Variants in CYP3A43 observed in about 807,000 individuals in gnomAD.
CYP3A43 encodes cytochrome P450 family 3 subfamily A member 43, also known as cytochrome P450 3A43.
In CYP3A43, 45 loss-of-function variants were observed where a neutral mutation model predicts 58.0. The ratio of observed to expected loss-of-function variants is 0.78; its 90% CI spans 0.61 to 0.99. The LOEUF (loss-of-function observed/expected upper bound fraction) is 0.99. Ranked by LOEUF, CYP3A43 falls within the 50% of genes least tolerant of loss-of-function variation. CYP3A43 has a pLI of 0.00. For synonymous variants in CYP3A43, 191 were observed against 201.4 expected (o/e 0.95, Z 0.44); for missense variants, 593 against 591.9 (o/e 1.00, Z -0.02).
chr7:99,846,331 G>A (rs1817542606), intron 4 of CYP3A43, among the ~76,000 whole-genome samples: 1 of 152,060 alleles, frequency 6.6e-6, no homozygotes, highest in African/African-American at 2.4e-5. Context: ...CACACCTAAA[G>A]TATTTCATTT....
At chr7:99,856,784 G>T (rs376334539) in intron 8 of CYP3A43, 49 bp from the exon 9 acceptor site, 2 of 1,606,796 alleles carry the variant, frequency 1.2e-6, no homozygotes, top group South Asian at 1.1e-5. Flanking sequence ...ATTCACTTCT[G>T]ACTTCACAAG....
intron 7 of CYP3A43, among the ~76,000 whole-genome samples, chr7:99,855,059 C>G (rs1353650069): frequency 2.0e-5 from 3 of 151,822 alleles, no homozygotes; most frequent in African/African-American, 7.3e-5. Flanking sequence ...ATTTTTGTAT[C>G]AGTAGAGATG....
intron 3 of CYP3A43, among the ~76,000 whole-genome samples, chr7:99,842,946 A>C (rs575423308): frequency 1.9e-4 from 29 of 152,330 alleles, no homozygotes; most frequent in Non-Finnish European, 3.4e-4. Context: ...TGACAATGTC[A>C]ATTTCCAGTT....
intron 2 of CYP3A43, among the ~76,000 whole-genome samples, chr7:99,836,761 T>C (rs1395942279): frequency 6.6e-6 from 1 of 152,166 alleles, no homozygotes; most frequent in Non-Finnish European, 1.5e-5. Flanking sequence ...ACGGCACAGA[T>C]ATCTGGGGGA....
intron 1 of CYP3A43, among the ~76,000 whole-genome samples, chr7:99,833,204 G>C (rs1028660389): frequency 1.3e-5 from 2 of 152,170 alleles, no homozygotes; most frequent in African/African-American, 4.8e-5. Flanking sequence ...GAATCAGAGA[G>C]ACTGATGGGG....
Position 99,844,783 on chromosome 7 carries a change from GT to G in CYP3A43, c.318+544del, listed in dbSNP as rs1460018223. On this transcript the variant is annotated intron_variant, in intron 4 of 12. Transcript: ENST00000354829. ...TGGTGTTTTTTCTAAAAGTTATATGGTTTAAGGCTGGGTGCGGTGGCTCACG... is the reference window on the plus strand; with the variant it reads ...TGGTGTTTTTTCTAAAAGTTATATGGTTAAGGCTGGGTGCGGTGGCTCACG... 2.0e-5 allele frequency among the ~76,000 whole-genome samples: 3 copies of G among 151,988 alleles called. No homozygotes were observed. The East Asian group carries it at 5.8e-4, about 29-fold the overall frequency.
intron 7 of CYP3A43, among the ~76,000 whole-genome samples, chr7:99,851,588 A>G (rs906086505): frequency 6.6e-6 from 1 of 152,232 alleles, no homozygotes; most frequent in African/African-American, 2.4e-5. Flanking sequence ...TTCTTTAGAT[A>G]AATGTCTGTT....
chr7:99,857,485 T>C (rs1478453662), intron 9 of CYP3A43, among the ~76,000 whole-genome samples: 3 of 152,278 alleles, frequency 2.0e-5, no homozygotes, highest in Admixed American at 2.0e-4. Context: ...ATGATCGATT[T>C]CAAGCCATCA....
At chr7:99,834,733 G>C (rs988468188) in intron 1 of CYP3A43, among the ~76,000 whole-genome samples, 4 of 152,210 alleles carry the variant, frequency 2.6e-5, no homozygotes, top group African/African-American at 7.2e-5. Context: ...TAGGCAGATT[G>C]TTTCTCCTAC....
Sources: gnomAD v4.1 joint callset for allele counts (sites outside exome capture counted in the v4.1 genomes callset) on GRCh38, gnomAD v4.1.1 for gene constraint, MANE v1.5 for transcripts, NCBI Gene and HGNC (gene_info 2026-07-23, HGNC 2026-07-21) for gene names.